Variants in F13A1 observed in about 807,000 individuals in gnomAD.
The protein encoded by F13A1 is FSF, A subunit.
Under a neutral mutation model 80.1 loss-of-function variants are expected in F13A1, and 47 were observed. The ratio of observed to expected loss-of-function variants is 0.59; its 90% CI spans 0.46 to 0.75. The LOEUF (loss-of-function observed/expected upper bound fraction) is 0.75. F13A1 is among the 30% of genes least tolerant of loss of function. F13A1 has a pLI of 0.00. For synonymous variants in F13A1, 349 were observed against 344.9 expected, an observed-to-expected ratio of 1.01 and a Z score of -0.13; for missense variants, 817 against 930.4, an observed-to-expected ratio of 0.88 and a Z score of 1.59.
chr6:6,147,565 G>A (rs1760307174), intron 14 of F13A1, among the ~76,000 whole-genome samples: 1 of 152,172 alleles, frequency 6.6e-6, no homozygotes, highest in Non-Finnish European at 1.5e-5. Flanking sequence ...ATTGTTACCT[G>A]TATCCATTCA....
At chr6:6,149,442 A>G (rs577687695) in intron 14 of F13A1, among the ~76,000 whole-genome samples, 1 of 152,354 alleles carries the variant, frequency 6.6e-6, no homozygotes, top group South Asian at 2.1e-4. Flanking sequence ...CCCAAACTCC[A>G]GTGTGATACC....
At chr6:6,190,331 T>G (rs1415075187) in intron 10 of F13A1, among the ~76,000 whole-genome samples, 2 of 152,236 alleles carry the variant, frequency 1.3e-5, no homozygotes, top group Non-Finnish European at 2.9e-5. Flanking sequence ...TTTTCTGCTC[T>G]GTTTTTTCCC....
At chr6:6,201,986 ATATT>A (rs1479220577) in intron 8 of F13A1, among the ~76,000 whole-genome samples, 1 of 152,194 alleles carries the variant, frequency 6.6e-6, no homozygotes, top group Admixed American at 6.5e-5. Flanking sequence ...ATAATTGTAT[ATATT>A]ATAGGGTACA....
intron 3 of F13A1, among the ~76,000 whole-genome samples, chr6:6,280,804 G>T (rs1334899366): frequency 6.6e-6 from 1 of 152,148 alleles, no homozygotes; most frequent in Non-Finnish European, 1.5e-5. Context: ...GGTCACTGCT[G>T]AGTACCTCTT....
In F13A1 at chr6:6,263,492, C is replaced by T. The variant is rs149193822; in HGVS notation, c.571+3066G>A. Among the ~76,000 whole-genome samples, 576 of 152,238 alleles carry T rather than the reference C, an allele frequency of 3.8e-3. 3 individuals are homozygous for T. Among genetic ancestry groups the T allele is most frequent in the Middle Eastern group, 0.014 (4 of 294 alleles). ...CCTGCTCAGCCTCCTTTGTTGACTT[C>T]TCCTTTGTCTCAACTCTTAATTGTT... On this transcript the variant is annotated intron_variant, in intron 4 of 14. Coordinates refer to ENST00000264870, the MANE Select transcript of F13A1 (RefSeq NM_000129.4).
chr6:6,184,238 T>C (rs1293694949), intron 10 of F13A1, among the ~76,000 whole-genome samples: 1 of 152,242 alleles, frequency 6.6e-6, no homozygotes, highest in Non-Finnish European at 1.5e-5. Context: ...GGAGGCAAAG[T>C]GTTTGTGGTT....
At chr6:6,279,852 G>A (rs1758037441) in intron 3 of F13A1, among the ~76,000 whole-genome samples, 1 of 152,214 alleles carries the variant, frequency 6.6e-6, no homozygotes, top group Non-Finnish European at 1.5e-5. Context: ...AAGTTTAGCT[G>A]AATGTCTTCC....
chr6:6,248,401 C>A lies in F13A1; in HGVS notation c.709G>T (p.Asp237Tyr). ...CTGTCCATCACATACAGGCAAGTGTCCAGGATGCCATCTTCAAACTATTTG... is the reference window on the plus strand; with the variant it reads ...CTGTCCATCACATACAGGCAAGTGTACAGGATGCCATCTTCAAACTATTTG... ...SYGQFEDGIL[D>Y]TCLYVMDRAQ... Residue 237 changes from aspartate to tyrosine, a missense_variant, in exon 6 of 15, where the codon GAC (aspartate) becomes TAC (tyrosine). Physicochemically the swap from Asp to Tyr is radical, Grantham distance 160. Transcript: ENST00000264870. 6.2e-7 allele frequency: 1 copy of A among 1,613,588 alleles called. No individual in the cohort carries two copies. The highest frequency in any genetic ancestry group is 8.5e-7 in the Non-Finnish European group (1 of 1,179,734).
chr6:6,253,872 T>C (rs1463582222), intron 4 of F13A1, among the ~76,000 whole-genome samples: 1 of 152,198 alleles, frequency 6.6e-6, no homozygotes. Flanking sequence ...CAGCTGGTTA[T>C]CTATGTAAGA....
chr6:6,201,625 A>G (rs567525546), intron 8 of F13A1, among the ~76,000 whole-genome samples: 2 of 152,332 alleles, frequency 1.3e-5, no homozygotes, highest in South Asian at 4.1e-4. Context: ...ACACAATTCT[A>G]TTTAAGCATG....
At position 6,320,599 on chromosome 6, in the gene F13A1, C is replaced by G; in HGVS notation, c.-31G>C. The G allele has an allele frequency of 2.1e-6, 1 of 469,330 alleles. No individual in the cohort carries two copies. Among genetic ancestry groups the G allele is most frequent in the Non-Finnish European group, 4.4e-6 (1 of 226,080 alleles). The allele number at this position is 469,330 out of a possible 1,614,324, so 29.1% of individuals were successfully genotyped here. A position where few individuals can be genotyped will look rare whatever the true frequency, so the allele number is the denominator to read the frequency against. ...GTCGGTGGCTTACCTGCAGGCGCTC[C>G]CCTCCAGAGGTGCCCTCGCGTGGGC... On this transcript the variant is annotated 5_prime_UTR_variant, in exon 1 of 15. Coordinates refer to ENST00000264870, the MANE Select transcript of F13A1 (RefSeq NM_000129.4).
intron 3 of F13A1, among the ~76,000 whole-genome samples, chr6:6,304,640 T>C (rs1758484450): frequency 6.6e-6 from 1 of 152,112 alleles, no homozygotes; most frequent in South Asian, 2.1e-4. Context: ...GGTGGGTGGA[T>C]AACTTGAGGT....
Position 6,145,410 on chromosome 6 carries a change from G to T in F13A1, c.*209C>A. On this transcript the variant is annotated 3_prime_UTR_variant, in exon 15 of 15. Coordinates refer to ENST00000264870, the MANE Select transcript of F13A1 (RefSeq NM_000129.4). The stretch of plus-strand genomic sequence containing the variant: ...AATGCTTAGCACTCTTTGGAAGGTG[G>T]AGAGATTAAAAACTAACTTCCTTGC... 1.6e-6 allele frequency: 1 copy of T among 631,202 alleles called. No homozygotes were observed. 39.1% of individuals were successfully genotyped at this position (631,202 alleles called of 1,614,324 possible). A position where few individuals can be genotyped will look rare whatever the true frequency, so the allele number is the denominator to read the frequency against.
intron 8 of F13A1, among the ~76,000 whole-genome samples, chr6:6,220,428 A>C (rs568140899): frequency 5.3e-5 from 8 of 152,268 alleles, no homozygotes; most frequent in African/African-American, 1.9e-4. Context: ...AACTCTGTTT[A>C]GGGCCTGTGG....
At chr6:6,159,697 T>C (rs536867514) in intron 13 of F13A1, among the ~76,000 whole-genome samples, 74 of 152,096 alleles carry the variant, frequency 4.9e-4, no homozygotes, top group African/African-American at 1.8e-3. Context: ...CTCTCCGGGG[T>C]CAACAGTGAT....
At chr6:6,150,075 C>T (rs1760346449) in intron 14 of F13A1, among the ~76,000 whole-genome samples, 1 of 152,080 alleles carries the variant, frequency 6.6e-6, no homozygotes, top group South Asian at 2.1e-4. Context: ...ATGTGTTGGC[C>T]TTGACCAAGG....
At position 6,262,427 on chromosome 6, in the gene F13A1, C is replaced by G. The variant is rs922234212; in HGVS notation, c.571+4131G>C. Among the ~76,000 whole-genome samples the G allele has an allele frequency of 3.9e-5, 6 of 152,378 alleles. No individual in the cohort carries two copies. In the East Asian group the frequency reaches 1.2e-3, roughly 29 times the overall value. ...TGACGGTCAAGTTTCTCACTTGCAGCAGCACAAGTGTGAGTAGGACTCCTA... is the reference window on the plus strand; with the variant it reads ...TGACGGTCAAGTTTCTCACTTGCAGGAGCACAAGTGTGAGTAGGACTCCTA... On this transcript the variant is annotated intron_variant, in intron 4 of 14. Transcript: ENST00000264870.
chr6:6,274,356 G>C (rs922270729), intron 3 of F13A1, among the ~76,000 whole-genome samples: 1 of 152,164 alleles, frequency 6.6e-6, no homozygotes, highest in Non-Finnish European at 1.5e-5. Context: ...TAATTTTGTG[G>C]GATATACATG....
chr6:6,205,642 T>C (rs1393120734), intron 8 of F13A1, among the ~76,000 whole-genome samples: 2 of 152,162 alleles, frequency 1.3e-5, no homozygotes, highest in Non-Finnish European at 2.9e-5. Flanking sequence ...TTTAGAAAAT[T>C]AGGGGCTGAT....
Sources: allele counts gnomAD v4.1 joint callset (sites outside exome capture counted in the v4.1 genomes callset), GRCh38; gene constraint gnomAD v4.1.1; transcripts MANE v1.5; gene names NCBI Gene and HGNC (gene_info 2026-07-23, HGNC 2026-07-21).